Variants in ABCA13 observed in about 807,000 individuals in gnomAD.
The protein encoded by ABCA13 is ATP binding cassette subfamily A member 13, also known as ATP-binding cassette sub-family A member 13.
A neutral mutation model predicts 478.7 loss-of-function variants in ABCA13; 476 were observed. That is an observed-to-expected ratio of 0.99 (90% CI 0.92 to 1.07). ABCA13 has a LOEUF of 1.07. Ranked by LOEUF, ABCA13 falls within the 50% of genes least tolerant of loss-of-function variation. ABCA13 has a pLI of 0.00. For missense variants in ABCA13, 6,060 were observed against 5,910.6 expected (o/e 1.03, Z -0.83); for synonymous variants, 2,252 against 2,158.9 (o/e 1.04, Z -1.20).
At chr7:48,409,273 C>A (rs1333743006) in intron 39 of ABCA13, among the ~76,000 whole-genome samples, 1 of 152,204 alleles carries the variant, frequency 6.6e-6, no homozygotes, top group East Asian at 1.9e-4. Flanking sequence ...TTTTACATAA[C>A]TGAATCAACT....
chr7:48,476,320 G>T (rs1208179779), intron 45 of ABCA13, among the ~76,000 whole-genome samples: 1 of 152,136 alleles, frequency 6.6e-6, no homozygotes, highest in Non-Finnish European at 1.5e-5. Flanking sequence ...AGTGGCACAG[G>T]TTGTAACCAG....
intron 29 of ABCA13, among the ~76,000 whole-genome samples, chr7:48,340,847 C>T (rs965703882): frequency 6.6e-6 from 1 of 152,156 alleles, no homozygotes; most frequent in Non-Finnish European, 1.5e-5. Context: ...GAAAAAGTCC[C>T]TTCATCTAGC....
chr7:48,405,829 A>C (rs150947050), intron 39 of ABCA13, among the ~76,000 whole-genome samples: 5 of 150,426 alleles, frequency 3.3e-5, no homozygotes, highest in African/African-American at 4.9e-5. Context: ...ATATTTTCTC[A>C]CTGTCCTTCG....
rs1796670975 is a variant in ABCA13 at position 48,279,047 on chromosome 7, C to G, written c.7853C>G (p.Ser2618Ter). The change falls in exon 18 of 62, where the codon TCA becomes TGA. Residue 2618 changes from serine (S) to a stop codon, truncating the protein, a stop_gained. Coordinates refer to ENST00000435803, the MANE Select transcript of ABCA13 (RefSeq NM_152701.5). LOFTEE classifies it high-confidence loss of function. Reference sequence around the variant, plus strand: ...TCAAACTCTGATATTTTCAGTATGTCACCTAGCATACTCTCATATATGAAC... The same window carrying G: ...TCAAACTCTGATATTTTCAGTATGTGACCTAGCATACTCTCATATATGAAC... ...ISSNSDIFSM[S>*]PSILSYMNQS... 1 of 1,613,060 alleles carries G rather than the reference C, an allele frequency of 6.2e-7. No homozygotes were observed. Among genetic ancestry groups the G allele is most frequent in the Non-Finnish European group, 8.5e-7 (1 of 1,179,754 alleles).
At chr7:48,372,845 A>AT (rs918905567) in intron 33 of ABCA13, among the ~76,000 whole-genome samples, 64 of 152,224 alleles carry the variant, frequency 4.2e-4, no homozygotes, top group African/African-American at 1.5e-3. Flanking sequence ...AAAAATAAGC[A>AT]TTTTTTCTTG....
rs113376893 is a variant in ABCA13, at chr7:48,343,760, A to T, written c.10204+5305A>T. 2.5e-3 allele frequency among the ~76,000 whole-genome samples: 378 copies of T among 151,962 alleles called. 2 individuals are homozygous for T. Among genetic ancestry groups the T allele is most frequent in the Non-Finnish European group, 3.9e-3 (267 of 67,960 alleles). On this transcript the variant is annotated intron_variant, in intron 29 of 61. Coordinates refer to ENST00000435803, the MANE Select transcript of ABCA13 (RefSeq NM_152701.5). Reference sequence around the variant, plus strand: ...CTTTTAAACTAAAGTCTTTATATAGATTTTTTAAAGGCCATTCATATTTTC... The same window carrying T: ...CTTTTAAACTAAAGTCTTTATATAGTTTTTTTAAAGGCCATTCATATTTTC...
chr7:48,463,791 T>C (rs2885483), intron 43 of ABCA13, among the ~76,000 whole-genome samples: 2 of 99,350 alleles, frequency 2.0e-5, no homozygotes, highest in South Asian at 5.6e-4. Flanking sequence ...TGGAATGGAA[T>C]GGAATGGAAT....
intron 51 of ABCA13, among the ~76,000 whole-genome samples, chr7:48,513,923 T>G (rs1222159111): frequency 6.6e-6 from 1 of 152,180 alleles, no homozygotes; most frequent in African/African-American, 2.4e-5. Context: ...CAATAGGAAC[T>G]CTCATGTGGC....
chr7:48,560,715 G>A (rs1045945582), intron 55 of ABCA13, among the ~76,000 whole-genome samples: 2 of 152,068 alleles, frequency 1.3e-5, no homozygotes, highest in African/African-American at 2.4e-5. Context: ...CATATTAGAC[G>A]GTTACTTTCT....
intron 43 of ABCA13, 43 bp from the exon 44 acceptor site, chr7:48,466,913 T>C: frequency 6.3e-7 from 1 of 1,597,416 alleles, no homozygotes; most frequent in Non-Finnish European, 8.6e-7. Flanking sequence ...TGGGAGCCAC[T>C]AATAATCCCA....
chr7:48,524,185 C>G (rs1832738869), intron 53 of ABCA13, 63 bp from the exon 54 acceptor site: 17 of 1,448,050 alleles, frequency 1.2e-5, no homozygotes, highest in Non-Finnish European at 1.6e-5. Flanking sequence ...ACCTTTTTGC[C>G]TCTTCTAGAC....
In ABCA13 at chr7:48,521,517, C is replaced by T. The variant is rs531167572; in HGVS notation, c.14051+1223C>T. Among the ~76,000 whole-genome samples, 12 of 152,256 alleles carry T rather than the reference C, an allele frequency of 7.9e-5. 1 individual carries two copies. The South Asian group carries it at 2.3e-3, about 29-fold the overall frequency. On this transcript the variant is annotated intron_variant, in intron 53 of 61. Transcript: ENST00000435803. ...TGAATTGGCCACATCACCCTGGAGT[C>T]TGCAGATTTCCAATAGCTGACTGAA...
At chr7:48,603,839 G>A (rs937116859) in intron 58 of ABCA13, 1 of 152,246 alleles carries the variant, frequency 6.6e-6, no homozygotes, top group Non-Finnish European at 1.5e-5. Flanking sequence ...GTAGAATTTG[G>A]CTGTGAATTC....
intron 42 of ABCA13, among the ~76,000 whole-genome samples, chr7:48,437,474 A>G (rs967380316): frequency 1.3e-5 from 2 of 152,018 alleles, no homozygotes; most frequent in African/African-American, 4.8e-5. Flanking sequence ...CAATGCTGCC[A>G]ATCTATGTCT....
intron 55 of ABCA13, among the ~76,000 whole-genome samples, chr7:48,543,366 G>A (rs1194903214): frequency 6.6e-6 from 1 of 151,866 alleles, no homozygotes; most frequent in Non-Finnish European, 1.5e-5. Flanking sequence ...GCTCACGCCT[G>A]TAATCCTAGC....
Position 48,272,519 on chromosome 7 carries a change from T to G in ABCA13, c.2853T>G (p.Asn951Lys). The change falls in exon 17 of 62, where the codon AAT becomes AAG. Residue 951 changes from asparagine (N) to lysine (K), a missense_variant. By Grantham distance (94) the Asn-to-Lys change is moderately conservative (BLOSUM62 0). Coordinates refer to ENST00000435803, the MANE Select transcript of ABCA13 (RefSeq NM_152701.5). ...VDKILTHIHL[N>K]VFQDKDSALL... ...AAATTTTGACTCACATACACCTAAA[T>G]GTCTTCCAGGACAAGGATTCAGCTT... is the stretch of plus-strand genomic sequence containing the variant. 1 of 1,613,804 alleles carries G rather than the reference T, an allele frequency of 6.2e-7. No individual in the cohort carries two copies. The highest frequency in any genetic ancestry group is 8.5e-7 in the Non-Finnish European group (1 of 1,179,742).
In ABCA13 at chr7:48,248,370, G is replaced by A; in HGVS notation, c.1791G>A (p.Leu597=). The change falls in exon 14 of 62, where the codon CTG becomes CTA. Residue 597 remains leucine, a synonymous_variant. Coordinates refer to ENST00000435803, the MANE Select transcript of ABCA13 (RefSeq NM_152701.5). ...EASLSCTRLF[L]LLGADPSPEN... ...GCCTTTCCTGTACTCGGCTCTTCCTGCTGCTGGGAGCTGATCCCTCTCCTG... is the reference window on the plus strand; with the variant it reads ...GCCTTTCCTGTACTCGGCTCTTCCTACTGCTGGGAGCTGATCCCTCTCCTG... 1 of 1,613,716 alleles carries A rather than the reference G, an allele frequency of 6.2e-7. No individual in the cohort carries two copies. The highest frequency in any genetic ancestry group is 1.1e-5 in the South Asian group (1 of 91,036).
chr7:48,273,749 C>G lies in ABCA13; in HGVS notation c.4083C>G (p.Gly1361=). The G allele has an allele frequency of 4.3e-6, 7 of 1,610,356 alleles. No homozygotes were observed. The highest frequency in any genetic ancestry group is 5.9e-6 in the Non-Finnish European group (7 of 1,178,068). The change falls in exon 17 of 62, where the codon GGC becomes GGG. Residue 1361 remains glycine, a synonymous_variant. Coordinates refer to ENST00000435803, the MANE Select transcript of ABCA13 (RefSeq NM_152701.5). ...TTACTGAGTGTATTTTAGAAGATGGCTTTTTATATGTAAATACCTCACAGA... is the reference window on the plus strand; with the variant it reads ...TTACTGAGTGTATTTTAGAAGATGGGTTTTTATATGTAAATACCTCACAGA... ...QNVTECILED[G]FLYVNTSQRM...
intron 1 of ABCA13, among the ~76,000 whole-genome samples, chr7:48,191,207 T>C (rs1356665229): frequency 6.6e-6 from 1 of 152,218 alleles, no homozygotes; most frequent in Non-Finnish European, 1.5e-5. Context: ...TAAGTAGTTA[T>C]CTCCTGAGCG....
Sources: gnomAD v4.1 joint callset for allele counts (sites outside exome capture counted in the v4.1 genomes callset) on GRCh38, gnomAD v4.1.1 for gene constraint, MANE v1.5 for transcripts, NCBI Gene and HGNC (gene_info 2026-07-23, HGNC 2026-07-21) for gene names.